Variants in CCDC30 observed in about 807,000 individuals in gnomAD.
CCDC30 encodes the protein coiled-coil domain-containing protein 30.
A neutral mutation model predicts 100.2 loss-of-function variants in CCDC30; 70 were observed. The observed-to-expected ratio is 0.70, with a 90% confidence interval of 0.58 to 0.85. The LOEUF (loss-of-function observed/expected upper bound fraction) is 0.85. Among genes scored for constraint, CCDC30 ranks in the 40% least tolerant of loss-of-function variants. CCDC30 has a pLI of 0.00. For synonymous variants in CCDC30, 233 were observed against 269.5 expected (o/e 0.86, Z 1.33); for missense variants, 652 against 771.2 (o/e 0.85, Z 1.83).
At chr1:42,525,598 G>A (rs1644711815) in intron 6 of CCDC30, among the ~76,000 whole-genome samples, 1 of 151,846 alleles carries the variant, frequency 6.6e-6, no homozygotes, top group South Asian at 2.1e-4. Context: ...TTTCTTTGAA[G>A]GTTTAATAAT....
chr1:42,588,589 G>A (rs1007142473), intron 9 of CCDC30, among the ~76,000 whole-genome samples: 14 of 152,178 alleles, frequency 9.2e-5, no homozygotes, highest in African/African-American at 3.4e-4. Context: ...ATTTGAATGA[G>A]TTTAAGAGAT....
At chr1:42,615,237 G>A (rs1268956597) in intron 11 of CCDC30, among the ~76,000 whole-genome samples, 1 of 152,110 alleles carries the variant, frequency 6.6e-6, no homozygotes, top group Admixed American at 6.5e-5. Context: ...CCTCTCTGGG[G>A]GTTTTCAAAC....
the CCDC30 span, among the ~76,000 whole-genome samples, chr1:42,458,017 A>G: frequency 6.6e-6 from 1 of 152,048 alleles, no homozygotes; most frequent in Non-Finnish European, 1.5e-5. Context: ...GAAGTGGGAA[A>G]GGTCATTCCA....
intron 15 of CCDC30, among the ~76,000 whole-genome samples, chr1:42,648,905 G>A (rs534223697): frequency 1.3e-5 from 2 of 152,120 alleles, no homozygotes; most frequent in South Asian, 4.2e-4. Context: ...AATCATTAGA[G>A]ACTATTATGA....
At chr1:42,525,902 C>T in intron 6 of CCDC30, among the ~76,000 whole-genome samples, 1 of 152,118 alleles carries the variant, frequency 6.6e-6, no homozygotes, top group East Asian at 1.9e-4. Flanking sequence ...GAGAATTGTT[C>T]TTACAGCTCT....
rs538313868 is a variant in CCDC30, at chr1:42,619,040, G to A, written c.1277+7950G>A. 4.6e-5 allele frequency among the ~76,000 whole-genome samples: 7 copies of A among 152,212 alleles called. No homozygotes were observed. The East Asian group carries it at 1.4e-3, about 29-fold the overall frequency. ...CCAGAAAATGTAGTTCCTATGCTGA[G>A]TAAACCAGTGCCCAGCAAAAAAAAA... is the stretch of plus-strand genomic sequence containing the variant. On this transcript the variant is annotated intron_variant, in intron 11 of 16. Transcript: ENST00000668663.
intron 6 of CCDC30, among the ~76,000 whole-genome samples, chr1:42,504,170 A>G (rs932233250): frequency 3.9e-5 from 6 of 152,346 alleles, no homozygotes; most frequent in Non-Finnish European, 8.8e-5. Flanking sequence ...CGCTCATGCT[A>G]TTGTTTGTGG....
intron 11 of CCDC30, among the ~76,000 whole-genome samples, chr1:42,614,150 G>A (rs943835623): frequency 7.4e-5 from 11 of 149,260 alleles, no homozygotes; most frequent in East Asian, 4.0e-4. Flanking sequence ...GCCGGATCTC[G>A]GCTCACTGCA....
the CCDC30 span, chr1:42,456,717 C>T: frequency 6.2e-7 from 1 of 1,608,892 alleles, no homozygotes; most frequent in African/African-American, 1.3e-5. Flanking sequence ...CCACTGGAAG[C>T]GCGGCCGGTG....
At chr1:42,640,048 C>T (rs77891867) in intron 12 of CCDC30, among the ~76,000 whole-genome samples, 12,359 of 151,716 alleles carry the variant, frequency 0.081, 604 homozygotes, top group South Asian at 0.14. Flanking sequence ...AGAATTAGAA[C>T]GACTTAGCCT....
At chr1:42,631,101 AT>A (rs1647029914) in intron 11 of CCDC30, among the ~76,000 whole-genome samples, 2 of 152,102 alleles carry the variant, frequency 1.3e-5, no homozygotes, top group Admixed American at 1.3e-4. Context: ...ATTTGTACCC[AT>A]CCTTCTTGGG....
At chr1:42,566,342 TACA>T (rs1356881050) in exon 7 of CCDC30, 3 of 1,613,808 alleles carry the variant, frequency 1.9e-6, no homozygotes, top group Admixed American at 1.7e-5. Flanking sequence ...CAAGGGGAAG[TACA>T]ACAACTTCAC....
chr1:42,617,641 C>T (rs1169997787), intron 11 of CCDC30, among the ~76,000 whole-genome samples: 2 of 152,040 alleles, frequency 1.3e-5, no homozygotes, highest in Non-Finnish European at 2.9e-5. Context: ...TTGATCAGGT[C>T]GAAGACTAAA....
At chr1:42,564,427 C>T (rs1405469059) in intron 6 of CCDC30, among the ~76,000 whole-genome samples, 1 of 152,128 alleles carries the variant, frequency 6.6e-6, no homozygotes, top group Admixed American at 6.5e-5. Flanking sequence ...ATTCTCATGC[C>T]TCAGCCTCCC....
At chr1:42,642,664 T>C (rs2148686749) in intron 13 of CCDC30, 55 bp downstream of exon 17, 1 of 1,415,872 alleles carries the variant, frequency 7.1e-7, no homozygotes, top group Non-Finnish European at 9.3e-7. Flanking sequence ...TGTTTCTCCC[T>C]CAACAAAGAG....
intron 4 of CCDC30, chr1:42,492,544 C>T (rs1325410495): frequency 6.6e-6 from 1 of 152,518 alleles, no homozygotes; most frequent in African/African-American, 2.4e-5. Flanking sequence ...TAAAGCAAAT[C>T]TCTGTGAAAA....
intron 8 of CCDC30, among the ~76,000 whole-genome samples, chr1:42,579,761 A>G (rs988193062): frequency 2.6e-5 from 4 of 151,848 alleles, no homozygotes; most frequent in African/African-American, 9.7e-5. Context: ...CTTTGGGAGG[A>G]TGAGATGGGA....
At chr1:42,593,948 G>GT (rs1253835123) in intron 10 of CCDC30, 1 of 152,158 alleles carries the variant, frequency 6.6e-6, no homozygotes, top group East Asian at 1.9e-4. Flanking sequence ...GCTTAGAAGA[G>GT]TGGGGTCATG....
Position 42,638,874 on chromosome 1 carries a change from C to G in CCDC30, c.1419+1496C>G, listed in dbSNP as rs1647217939. Among the ~76,000 whole-genome samples the G allele has an allele frequency of 2.0e-5, 3 of 150,812 alleles. No homozygotes were observed. In the South Asian group the frequency reaches 6.3e-4, roughly 32 times the overall value. On this transcript the variant is annotated intron_variant, in intron 12 of 16. Coordinates refer to ENST00000668663, the Ensembl canonical transcript of CCDC30. The stretch of plus-strand genomic sequence containing the variant: ...CTGGGGGACAAGAGCAAAACTCCAT[C>G]TAAATAAATAAATAAATAAATAAAG...
Sources: allele counts gnomAD v4.1 joint callset (sites outside exome capture counted in the v4.1 genomes callset), GRCh38; gene constraint gnomAD v4.1.1; transcripts MANE v1.5; gene names NCBI Gene and HGNC (gene_info 2026-07-23, HGNC 2026-07-21).